Variants in FCRL1 observed in about 807,000 individuals in gnomAD.
The protein encoded by FCRL1 is Fc receptor-like protein 1.
FCRL1 carries 34 observed loss-of-function variants against 49.2 expected under a neutral mutation model. The ratio of observed to expected loss-of-function variants is 0.69; its 90% CI spans 0.53 to 0.92. The LOEUF (loss-of-function observed/expected upper bound fraction) is 0.92, where lower values mean the gene tolerates loss of function less well. FCRL1 is among the 40% of genes least tolerant of loss of function. The pLI, the probability that FCRL1 is intolerant of heterozygous loss-of-function variation, is 0.00. For synonymous variants in FCRL1, 218 were observed against 201.6 expected (o/e 1.08, Z -0.69); for missense variants, 524 against 524.1 (o/e 1.00, Z 0.00).
chr1:157,802,314 C>T (rs1416123557), intron 4 of FCRL1, 63 bp downstream of exon 4: 8 of 1,586,774 alleles, frequency 5.0e-6, no homozygotes, highest in South Asian at 2.3e-5. Flanking sequence ...ACTTTGTGTG[C>T]CCCAGGGAAA....
At chr1:157,814,818 A>G (rs1488923449) in intron 1 of FCRL1, among the ~76,000 whole-genome samples, 3 of 152,034 alleles carry the variant, frequency 2.0e-5, no homozygotes, top group Non-Finnish European at 4.4e-5. Flanking sequence ...CTTATATCTG[A>G]TATAATAGAA....
intron 1 of FCRL1, among the ~76,000 whole-genome samples, chr1:157,817,421 T>G (rs1170830357): frequency 6.6e-6 from 1 of 152,114 alleles, no homozygotes; most frequent in East Asian, 1.9e-4. Flanking sequence ...GAATACACGA[T>G]GTGGAAAGGA....
chr1:157,801,822 C>T (rs1274710033), intron 5 of FCRL1, 93 bp downstream of exon 5: 5 of 1,468,540 alleles, frequency 3.4e-6, no homozygotes, highest in Non-Finnish European at 4.6e-6. Context: ...CCATGGGTAG[C>T]AAACCCCCGG....
intron 10 of FCRL1, among the ~76,000 whole-genome samples, chr1:157,796,417 T>C (rs1651491907): frequency 6.6e-6 from 1 of 152,244 alleles, no homozygotes; most frequent in Non-Finnish European, 1.5e-5. Flanking sequence ...CTCATTCTTA[T>C]GGGCCTTTGT....
At chr1:157,803,026 C>T (rs899508166) in intron 3 of FCRL1, among the ~76,000 whole-genome samples, 1 of 152,166 alleles carries the variant, frequency 6.6e-6, no homozygotes, top group Non-Finnish European at 1.5e-5. Flanking sequence ...CTCTTTTACT[C>T]GTTGTGTGTG....
At chr1:157,809,015 C>A in intron 1 of FCRL1, among the ~76,000 whole-genome samples, 1 of 152,050 alleles carries the variant, frequency 6.6e-6, no homozygotes, top group East Asian at 1.9e-4. Context: ...ATCAAGAGAT[C>A]TGTTTGAGTT....
In FCRL1 at chr1:157,801,528, C is replaced by G. The variant is rs941193528; in HGVS notation, c.936G>C (p.Gly312=). ...SNHLTSGVIE[G]LLSTLGPATV... ...TGGCTGGACCAAGGGTGCTGAGCAGCCCCTCAATGACTCCTGAGGTAAGAT... is the reference window on the plus strand; with the variant it reads ...TGGCTGGACCAAGGGTGCTGAGCAGGCCCTCAATGACTCCTGAGGTAAGAT... The change falls in exon 6 of 11, where the codon GGG becomes GGC. Residue 312 remains glycine (G), a synonymous_variant. Coordinates refer to ENST00000368176, the MANE Select transcript of FCRL1 (RefSeq NM_052938.5). 3 of 1,613,964 alleles carry G rather than the reference C, an allele frequency of 1.9e-6. No individual in the cohort carries two copies. The highest frequency in any genetic ancestry group is 1.7e-5 in the Admixed American group (1 of 59,996).
chr1:157,798,980 G>A lies in FCRL1; in HGVS notation c.1032-737C>T, dbSNP rs546523296. Among the ~76,000 whole-genome samples the A allele has an allele frequency of 6.6e-5, 10 of 152,178 alleles. No individual in the cohort carries two copies. In the South Asian group the frequency reaches 1.7e-3, roughly 25 times the overall value. ...CTGATTGAGTGAATGCATGATCCTGGTGAAAGCTATGTGATTATTTACTTA... is the reference window on the plus strand; with the variant it reads ...CTGATTGAGTGAATGCATGATCCTGATGAAAGCTATGTGATTATTTACTTA... On this transcript the variant is annotated intron_variant, in intron 7 of 10. Coordinates refer to ENST00000368176, the MANE Select transcript of FCRL1 (RefSeq NM_052938.5).
At position 157,804,054 on chromosome 1, in the gene FCRL1, G is replaced by C; in HGVS notation, c.110C>G (p.Thr37Arg). ...HPTEGSPVTL[T>R]CKMPFLQSSD... Reference sequence around the variant, plus strand: ...ACTCTGTAGAAAGGGCATCTTACACGTCAGGGTCACTGGGCTCCCCTCTGT... The same window carrying C: ...ACTCTGTAGAAAGGGCATCTTACACCTCAGGGTCACTGGGCTCCCCTCTGT... Residue 37 changes from threonine to arginine, a missense_variant, in exon 3 of 11, where the codon ACG (threonine) becomes AGG (arginine). Physicochemically the swap from Thr to Arg is moderately conservative, Grantham distance 71. Coordinates refer to ENST00000368176, the MANE Select transcript of FCRL1 (RefSeq NM_052938.5). 2 of 1,614,216 alleles carry C rather than the reference G, an allele frequency of 1.2e-6. No homozygotes were observed.
rs375860534 is a variant in FCRL1, at chr1:157,819,943, C to T, written c.31+64G>A. The T allele has an allele frequency of 8.2e-6, 13 of 1,586,016 alleles. No homozygotes were observed. In the African/African-American group the frequency reaches 1.5e-4, roughly 18 times the overall value. On this transcript the variant is annotated intron_variant, in intron 1 of 10. Coordinates refer to ENST00000368176, the MANE Select transcript of FCRL1 (RefSeq NM_052938.5). ...CTTAGTCCTAAGAAGTCCTTACAGC[C>T]CTTCAGGAAGCAGAGCCCAAGCATG...
At position 157,794,418 on chromosome 1, in the gene FCRL1, G is replaced by A. The variant is rs1651202487; in HGVS notation, c.*1681C>T. The A allele has an allele frequency of 6.6e-6, 1 of 152,110 alleles. No individual in the cohort carries two copies. Among genetic ancestry groups the A allele is most frequent in the South Asian group, 2.1e-4 (1 of 4,826 alleles). 9.4% of individuals were successfully genotyped at this position (152,110 alleles called of 1,614,324 possible). A position where few individuals can be genotyped will look rare whatever the true frequency, so the allele number is the denominator to read the frequency against. On this transcript the variant is annotated 3_prime_UTR_variant, in exon 11 of 11. Coordinates refer to ENST00000368176, the MANE Select transcript of FCRL1 (RefSeq NM_052938.5). The stretch of plus-strand genomic sequence containing the variant: ...ACCTCTTTCCTTTATAAATTACCCA[G>A]TCTTGGATATGTCTTTATTAGCAAT...
rs1343199732 is a variant in FCRL1, at chr1:157,795,778, C to G, written c.*321G>C. Reference sequence around the variant, plus strand: ...GCTCTAAGCTTCACTGTCCCTCCAACCCAAGATCCCAATTTCTTTTATTCC... The same window carrying G: ...GCTCTAAGCTTCACTGTCCCTCCAAGCCAAGATCCCAATTTCTTTTATTCC... On this transcript the variant is annotated 3_prime_UTR_variant, in exon 11 of 11. Transcript: ENST00000368176. The G allele has an allele frequency of 4.2e-6, 1 of 236,450 alleles. No homozygotes were observed. Among genetic ancestry groups the G allele is most frequent in the African/African-American group, 2.2e-5 (1 of 45,414 alleles). 14.6% of individuals were successfully genotyped at this position (236,450 alleles called of 1,614,324 possible). A position where few individuals can be genotyped will look rare whatever the true frequency, so the allele number is the denominator to read the frequency against.
intron 2 of FCRL1, 112 bp from the exon 3 acceptor site, chr1:157,804,223 C>T (rs1421828609): frequency 2.1e-5 from 28 of 1,321,204 alleles, no homozygotes; most frequent in African/African-American, 1.0e-4. Context: ...CAGTTGGACA[C>T]ACAGGCCACC....
intron 1 of FCRL1, among the ~76,000 whole-genome samples, chr1:157,818,851 G>T (rs1276773964): frequency 6.6e-6 from 1 of 152,150 alleles, no homozygotes; most frequent in Admixed American, 6.5e-5. Flanking sequence ...TTTAATAAAA[G>T]ATACTGTAGC....
At chr1:157,801,683 G>A in intron 5 of FCRL1, 106 bp from the exon 6 acceptor site, 3 of 914,410 alleles carry the variant, frequency 3.3e-6, no homozygotes, top group Non-Finnish European at 5.1e-6. Context: ...TTCCAAGTGG[G>A]GATTTATTTA....
chr1:157,798,022 C>T, intron 8 of FCRL1, 83 bp from the exon 9 acceptor site: 1 of 1,527,188 alleles, frequency 6.5e-7, no homozygotes, highest in Non-Finnish European at 9.1e-7. Context: ...CCTGTCACAG[C>T]CATGAAGACA....
At chr1:157,803,566 C>T (rs1249269354) in intron 3 of FCRL1, among the ~76,000 whole-genome samples, 1 of 152,192 alleles carries the variant, frequency 6.6e-6, no homozygotes, top group African/African-American at 2.4e-5. Context: ...GCATCAACTT[C>T]GTGTAGTCAG....
At position 157,802,128 on chromosome 1, in the gene FCRL1, G is replaced by T. The variant is rs145089561; in HGVS notation, c.673C>A (p.Leu225Met). ...PRAQAAVEDV[L>M]ELHCEALRGS... ...CTCAGGGCCTCACAGTGAAGCTCCA[G>T]CACATCCTCCACTGCAGCCTGGGCC... is the stretch of plus-strand genomic sequence containing the variant. The change falls in exon 5 of 11, where the codon CTG (leucine) becomes ATG (methionine). Residue 225 changes from leucine (L) to methionine (M), a missense_variant. Transcript: ENST00000368176. The T allele has an allele frequency of 6.2e-7, 1 of 1,614,230 alleles. No individual in the cohort carries two copies. The highest frequency in any genetic ancestry group is 1.3e-5 in the African/African-American group (1 of 75,064).
chr1:157,803,916 G>A lies in FCRL1; in HGVS notation c.248C>T (p.Ser83Leu), dbSNP rs775102271. ...IAAMWKEDTG[S>L]YWCEAQTMAS... ...CATTGTCTGTGCCTCGCACCAGTAT[G>A]ACCCTGTGTCTTCTTTCCACATGGC... Residue 83 changes from serine (S) to leucine (L), a missense_variant, in exon 3 of 11, where the codon TCA (serine) becomes TTA (leucine). By Grantham distance (145) the Ser-to-Leu change is moderately radical. Coordinates refer to ENST00000368176, the MANE Select transcript of FCRL1 (RefSeq NM_052938.5). The A allele has an allele frequency of 1.7e-5, 27 of 1,614,068 alleles. No homozygotes were observed. The Admixed American group carries it at 4.0e-4, about 24-fold the overall frequency.
Sources: allele counts gnomAD v4.1 joint callset (sites outside exome capture counted in the v4.1 genomes callset), GRCh38; gene constraint gnomAD v4.1.1; transcripts MANE v1.5; gene names NCBI Gene and HGNC (gene_info 2026-07-23, HGNC 2026-07-21).